The following LRRC7 variants were observed in gnomAD, a reference collection of about 807,000 sequenced individuals.
LRRC7 encodes the protein leucine rich repeat containing 7.
LRRC7 carries 23 observed loss-of-function variants against 175.7 expected under a neutral mutation model. The observed-to-expected ratio is 0.13, with a 90% CI of 0.09 to 0.19. The LOEUF (loss-of-function observed/expected upper bound fraction) is 0.19. LRRC7 is among the 10% of genes least tolerant of loss of function. The pLI, the probability that LRRC7 is intolerant of heterozygous loss-of-function variation, is 1.00. For missense variants in LRRC7, 1,354 were observed against 1,904.7 expected (o/e 0.71, Z 5.38); for synonymous variants, 685 against 680.9 (o/e 1.01, Z -0.09).
chr1:69,851,683 A>G (rs1363425357), intron 7 of LRRC7, among the ~76,000 whole-genome samples: 1 of 152,184 alleles, frequency 6.6e-6, no homozygotes, highest in Non-Finnish European at 1.5e-5. Context: ...AGGAGACAAG[A>G]AAAAGCATGA....
At chr1:69,624,520 A>G (rs1651160590) in intron 1 of LRRC7, among the ~76,000 whole-genome samples, 1 of 151,988 alleles carries the variant, frequency 6.6e-6, no homozygotes, top group Admixed American at 6.6e-5. Context: ...TTTTAATATC[A>G]AATTTATTAA....
chr1:69,898,997 G>A (rs964881355), intron 7 of LRRC7, among the ~76,000 whole-genome samples: 1 of 152,174 alleles, frequency 6.6e-6, no homozygotes, highest in Non-Finnish European at 1.5e-5. Context: ...TATGTTGAAA[G>A]TGTTCAAAAA....
chr1:70,089,544 C>A (rs1663868021), intron 24 of LRRC7, among the ~76,000 whole-genome samples, 183 bp from the exon 25 acceptor site: 1 of 152,168 alleles, frequency 6.6e-6, no homozygotes, highest in African/African-American at 2.4e-5. Flanking sequence ...TCCATCATAA[C>A]TGATGCATAT....
intron 2 of LRRC7, among the ~76,000 whole-genome samples, chr1:69,685,603 A>C (rs7528414): frequency 0.21 from 31,951 of 152,090 alleles, 3,516 homozygotes; most frequent in South Asian, 0.29. Context: ...ACTTAATTGA[A>C]TCAATAGTAG....
intron 2 of LRRC7, among the ~76,000 whole-genome samples, chr1:69,689,684 G>A (rs1247875824): frequency 2.0e-5 from 3 of 152,064 alleles, no homozygotes; most frequent in Non-Finnish European, 4.4e-5. Context: ...AAAGAATACC[G>A]TATATGATTT....
chr1:69,667,522 T>C (rs185992804), intron 1 of LRRC7, among the ~76,000 whole-genome samples: 152 of 152,254 alleles, frequency 1.0e-3, no homozygotes, highest in African/African-American at 3.4e-3. Flanking sequence ...ATTGTTATAT[T>C]CTCTTGCTGA....
At chr1:69,944,826 T>C (rs1649133775) in intron 8 of LRRC7, among the ~76,000 whole-genome samples, 1 of 152,084 alleles carries the variant, frequency 6.6e-6, no homozygotes, top group African/African-American at 2.4e-5. Flanking sequence ...AAGAAATGAC[T>C]CTTAAGGTTC....
At chr1:70,002,414 C>T (rs1655620885) in intron 11 of LRRC7, among the ~76,000 whole-genome samples, 1 of 152,170 alleles carries the variant, frequency 6.6e-6, no homozygotes, top group African/African-American at 2.4e-5. Context: ...ACTCTGTATA[C>T]AAGTTAAAGA....
At chr1:70,050,510 T>C (rs2102057517) in intron 22 of LRRC7, among the ~76,000 whole-genome samples, 1 of 152,230 alleles carries the variant, frequency 6.6e-6, no homozygotes, top group Admixed American at 6.5e-5. Context: ...TTTAGTTATA[T>C]ATGATGAGGA....
intron 9 of LRRC7, among the ~76,000 whole-genome samples, chr1:69,982,981 G>A (rs77604283): frequency 0.011 from 1,749 of 152,222 alleles, 39 homozygotes; most frequent in African/African-American, 0.04. Flanking sequence ...GCTGAAGATA[G>A]CAATGAAGGA....
chr1:69,838,191 A>T (rs1325170362), intron 6 of LRRC7, 36 bp from the exon 7 acceptor site: 2 of 1,508,010 alleles, frequency 1.3e-6, no homozygotes, highest in Non-Finnish European at 1.8e-6. Flanking sequence ...TTAGACAGAC[A>T]TACTAAGAGG....
intron 6 of LRRC7, among the ~76,000 whole-genome samples, chr1:69,836,555 G>T (rs1006734461): frequency 6.6e-6 from 1 of 151,862 alleles, no homozygotes; most frequent in African/African-American, 2.4e-5. Context: ...CTTGAAAATA[G>T]AATTTAATTT....
intron 1 of LRRC7, among the ~76,000 whole-genome samples, chr1:69,674,315 T>C (rs191152658): frequency 1.4e-3 from 209 of 152,252 alleles, no homozygotes; most frequent in Non-Finnish European, 2.6e-3. Context: ...GGTTAAATCT[T>C]AGTTGAGCCT....
intron 2 of LRRC7, among the ~76,000 whole-genome samples, chr1:69,679,638 A>G (rs1660223595): frequency 6.6e-6 from 1 of 152,156 alleles, no homozygotes; most frequent in Non-Finnish European, 1.5e-5. Flanking sequence ...ACTCTTGCAT[A>G]AAAGTATTGC....
At chr1:69,737,501 G>GA (rs553437710) in intron 2 of LRRC7, among the ~76,000 whole-genome samples, 225 of 152,008 alleles carry the variant, frequency 1.5e-3, no homozygotes, top group African/African-American at 4.6e-3. Flanking sequence ...ATAGCAATAT[G>GA]AAAAAAATGG....
rs563448489 is a variant in LRRC7 at position 70,122,129 on chromosome 1, CTGTTTT to C, written c.*256_*261del. ...GCTGTGCATTGGTGCAGTTTTGTTT[CTGTTTT>C]TGTTTTTGTTTTTAATCAAATAAGT... On this transcript the variant is annotated 3_prime_UTR_variant, in exon 27 of 27. Coordinates refer to ENST00000651989, the MANE Select transcript of LRRC7 (RefSeq NM_001370785.2). 52 of 314,858 alleles carry C rather than the reference CTGTTTT, an allele frequency of 1.7e-4. No individual in the cohort carries two copies. The highest frequency in any genetic ancestry group is 8.3e-4 in the African/African-American group (38 of 45,996). 19.5% of individuals were successfully genotyped at this position (314,858 alleles called of 1,614,324 possible).
At chr1:69,841,761 G>A (rs1681758676) in intron 7 of LRRC7, among the ~76,000 whole-genome samples, 2 of 151,744 alleles carry the variant, frequency 1.3e-5, no homozygotes, top group South Asian at 4.1e-4. Context: ...CCTTAAACAT[G>A]GTAGACATTC....
intron 7 of LRRC7, among the ~76,000 whole-genome samples, chr1:69,868,280 AT>A (rs1305088685): frequency 1.3e-5 from 2 of 152,298 alleles, no homozygotes; most frequent in African/African-American, 4.8e-5. Flanking sequence ...TGGAAGGAAA[AT>A]AATTAAACAG....
At chr1:69,990,435 GTAAAT>G (rs764843227) in intron 10 of LRRC7, among the ~76,000 whole-genome samples, 16 of 151,980 alleles carry the variant, frequency 1.1e-4, no homozygotes, top group South Asian at 2.1e-4. Context: ...ACTTAATTTG[GTAAAT>G]TAAATTAATT....
Sources: allele counts gnomAD v4.1 joint callset (sites outside exome capture counted in the v4.1 genomes callset), GRCh38; gene constraint gnomAD v4.1.1; transcripts MANE v1.5; gene names NCBI Gene and HGNC (gene_info 2026-07-23, HGNC 2026-07-21).